The following NUMB variants were observed in gnomAD, a reference collection of about 807,000 sequenced individuals.
The protein encoded by NUMB is NUMB endocytic adaptor protein.
Under a neutral mutation model 59.7 loss-of-function variants are expected in NUMB, and 29 were observed. That is an observed-to-expected ratio of 0.49 (90% CI 0.36 to 0.66). The LOEUF is 0.66. Among genes scored for constraint, NUMB ranks in the 30% least tolerant of loss-of-function variants. The pLI is 0.00. For synonymous variants in NUMB, 288 were observed against 288.2 expected (o/e 1.00, Z 0.01); for missense variants, 723 against 822.0 (o/e 0.88, Z 1.47).
chr14:73,283,987 A>G lies in NUMB; in HGVS notation c.949+94T>C, dbSNP rs925460034. ...TATCAACGAACCTCAGGGAAAGAGG[A>G]ATGCCTAGTTTAATGGGATTAGTGT... On this transcript the variant is annotated intron_variant, in intron 10 of 12. Transcript: ENST00000555238. 12 of 1,175,366 alleles carry G rather than the reference A, an allele frequency of 1.0e-5. No individual in the cohort carries two copies. In the African/African-American group the frequency reaches 1.7e-4, roughly 16 times the overall value. 72.8% of individuals were successfully genotyped at this position (1,175,366 alleles called of 1,614,324 possible). A position where few individuals can be genotyped will look rare whatever the true frequency, so the allele number is the denominator to read the frequency against.
At chr14:73,447,460 C>T (rs1052765344) in intron 1 of NUMB, among the ~76,000 whole-genome samples, 11 of 151,880 alleles carry the variant, frequency 7.2e-5, no homozygotes, top group Non-Finnish European at 1.2e-4. Context: ...TGCGCTCCAG[C>T]CCAGGCGACA....
chr14:73,431,054 C>T (rs556142892), intron 1 of NUMB, among the ~76,000 whole-genome samples: 1 of 149,080 alleles, frequency 6.7e-6, no homozygotes, highest in Non-Finnish European at 1.5e-5. Context: ...TGCCTCCAGG[C>T]TCAAGCAACC....
chr14:73,322,746 T>TA (rs1891468885), intron 5 of NUMB: 1 of 152,554 alleles, frequency 6.6e-6, no homozygotes, highest in Non-Finnish European at 1.5e-5. Context: ...AAAGTACCTT[T>TA]AGGATAATAT....
intron 6 of NUMB, among the ~76,000 whole-genome samples, chr14:73,301,444 C>T (rs547329622): frequency 1.3e-5 from 2 of 152,256 alleles, no homozygotes; most frequent in East Asian, 1.9e-4. Context: ...CAATTATATG[C>T]TTGTTTGTTT....
chr14:73,443,727 T>C (rs1883255726), intron 1 of NUMB, among the ~76,000 whole-genome samples: 1 of 151,624 alleles, frequency 6.6e-6, no homozygotes. Context: ...CTCAGCTCAC[T>C]GCAACCACTA....
chr14:73,324,917 A>T (rs1408192825), intron 4 of NUMB, among the ~76,000 whole-genome samples: 1 of 152,152 alleles, frequency 6.6e-6, no homozygotes, highest in African/African-American at 2.4e-5. Flanking sequence ...GCCAATAGAG[A>T]CATTAAGATG....
chr14:73,411,659 A>G (rs1896899374), intron 1 of NUMB, among the ~76,000 whole-genome samples: 1 of 152,228 alleles, frequency 6.6e-6, no homozygotes, highest in African/African-American at 2.4e-5. Context: ...CCTAATAAAT[A>G]GCAGGTATCA....
chr14:73,351,837 G>A (rs1285360754), intron 4 of NUMB, among the ~76,000 whole-genome samples: 5 of 151,808 alleles, frequency 3.3e-5, no homozygotes, highest in African/African-American at 1.2e-4. Context: ...TTAGCCAGGT[G>A]TGGTGGCAGG....
chr14:73,356,802 C>T (rs1414841836), intron 3 of NUMB, among the ~76,000 whole-genome samples: 4 of 152,152 alleles, frequency 2.6e-5, no homozygotes, highest in Non-Finnish European at 4.4e-5. Flanking sequence ...AAGCAATCCT[C>T]CCATCTCAGT....
chr14:73,403,828 C>T (rs1474161625), intron 2 of NUMB, among the ~76,000 whole-genome samples: 2 of 152,104 alleles, frequency 1.3e-5, no homozygotes, highest in Non-Finnish European at 2.9e-5. Context: ...GGCATGGTGG[C>T]TCATGCCTGT....
At chr14:73,338,325 C>T (rs577664060) in intron 4 of NUMB, among the ~76,000 whole-genome samples, 7 of 152,094 alleles carry the variant, frequency 4.6e-5, no homozygotes, top group African/African-American at 2.4e-5. Context: ...GTTAACTTAT[C>T]GTTCTCTTGT....
chr14:73,432,156 G>A (rs567091924), intron 1 of NUMB, among the ~76,000 whole-genome samples: 2 of 152,106 alleles, frequency 1.3e-5, no homozygotes, highest in African/African-American at 2.4e-5. Flanking sequence ...TAAGCAGTAC[G>A]ATAGTACTAT....
At chr14:73,410,846 C>T (rs1239453248) in intron 1 of NUMB, among the ~76,000 whole-genome samples, 3 of 152,122 alleles carry the variant, frequency 2.0e-5, no homozygotes, top group African/African-American at 7.2e-5. Context: ...TATTAGGTAA[C>T]CAATATGTAA....
chr14:73,313,071 C>A (rs1890867480), intron 6 of NUMB, among the ~76,000 whole-genome samples: 1 of 151,544 alleles, frequency 6.6e-6, no homozygotes, highest in African/African-American at 2.4e-5. Context: ...ACTGCAACCT[C>A]CACCTCCCGG....
chr14:73,338,312 A>G (rs1018089599), intron 4 of NUMB, among the ~76,000 whole-genome samples: 2 of 152,158 alleles, frequency 1.3e-5, no homozygotes, highest in Non-Finnish European at 2.9e-5. Flanking sequence ...AGAAAAAAAA[A>G]AAGTTAACTT....
chr14:73,276,638 A>C lies in NUMB; in HGVS notation c.1896T>G (p.Asn632Lys). Reference sequence around the variant, plus strand: ...TGGAGAAAGGGTTGGTAGGGGAGGGATTAGTACGCTGCTTGGACTTATTTT... The same window carrying C: ...TGGAGAAAGGGTTGGTAGGGGAGGGCTTAGTACGCTGCTTGGACTTATTTT... ...ALENKSKQRTNPSPTNPFSSD... is the reference protein window; with the variant it reads ...ALENKSKQRTKPSPTNPFSSD... Residue 632 changes from asparagine (N) to lysine (K), a missense_variant, in exon 13 of 13, where the codon AAT becomes AAG. Physicochemically the swap from Asn to Lys is moderately conservative, Grantham distance 94. This residue lies in a region of NUMB where 406 missense variants were observed against 385.4 expected (regional missense o/e 1.05). Transcript: ENST00000555238. The C allele has an allele frequency of 6.2e-7, 1 of 1,614,138 alleles. No homozygotes were observed. The highest frequency in any genetic ancestry group is 1.1e-5 in the South Asian group (1 of 91,078).
intron 1 of NUMB, among the ~76,000 whole-genome samples, chr14:73,419,730 T>C (rs1897281040): frequency 6.6e-6 from 1 of 152,010 alleles, no homozygotes; most frequent in Admixed American, 6.6e-5. Context: ...CCCAATCCCA[T>C]CCTGCCCCTT....
chr14:73,373,918 G>C (rs1894822083), intron 2 of NUMB, among the ~76,000 whole-genome samples: 1 of 151,916 alleles, frequency 6.6e-6, no homozygotes, highest in South Asian at 2.1e-4. Context: ...GTCCAGGCTG[G>C]AGTGCAACAG....
intron 2 of NUMB, among the ~76,000 whole-genome samples, chr14:73,372,769 T>C (rs968593390): frequency 6.6e-6 from 1 of 152,126 alleles, no homozygotes; most frequent in Non-Finnish European, 1.5e-5. Flanking sequence ...CATATTTCAA[T>C]ATTCATTTCA....
Sources: allele counts gnomAD v4.1 joint callset (sites outside exome capture counted in the v4.1 genomes callset), GRCh38; gene constraint gnomAD v4.1.1; regional missense constraint gnomAD v4.1.1; transcripts MANE v1.5; gene names NCBI Gene and HGNC (gene_info 2026-07-23, HGNC 2026-07-21).